The following SAMM50 variants were observed in gnomAD, a reference collection of about 807,000 sequenced individuals.
SAMM50 encodes SAMM50 sorting and assembly machinery component.
Under a neutral mutation model 66.9 loss-of-function variants are expected in SAMM50, and 47 were observed. The ratio of observed to expected loss-of-function variants is 0.70; its 90% CI spans 0.56 to 0.90. The LOEUF (loss-of-function observed/expected upper bound fraction) is 0.90, where lower values mean the gene tolerates loss of function less well. SAMM50 is among the 40% of genes least tolerant of loss of function. The probability of loss-of-function intolerance (pLI) is 0.00; values close to 1 mark genes in which losing one functional copy is unlikely to be tolerated. For missense variants in SAMM50, 535 were observed against 595.3 expected (o/e 0.90, Z 1.05); for synonymous variants, 191 against 214.1 (o/e 0.89, Z 0.94).
intron 14 of SAMM50, 103 bp from the exon 15 acceptor site, chr22:43,996,235 G>A (rs941379081): frequency 2.4e-6 from 3 of 1,249,274 alleles, no homozygotes; most frequent in Non-Finnish European, 2.4e-6. Flanking sequence ...AGGAGGAGGA[G>A]GAAGCGGAGG....
intron 10 of SAMM50, among the ~76,000 whole-genome samples, chr22:43,979,589 C>A (rs1004927999): frequency 6.6e-6 from 1 of 151,426 alleles, no homozygotes; most frequent in South Asian, 2.1e-4. Flanking sequence ...CCCTTCCCCC[C>A]TCTACACTAT....
intron 1 of SAMM50, among the ~76,000 whole-genome samples, chr22:43,958,518 A>G (rs1807589): frequency 0.65 from 92,065 of 142,356 alleles, 29,727 homozygotes; most frequent in East Asian, 0.83. Context: ...TTTCTCTGTC[A>G]CCCAGGCTGG....
intron 3 of SAMM50, 115 bp from the exon 4 acceptor site, chr22:43,968,616 C>G (rs947430279): frequency 2.7e-6 from 2 of 734,532 alleles, no homozygotes; most frequent in East Asian, 5.1e-5. Context: ...GCTCTCTGCT[C>G]AGTGATCTGA....
In SAMM50 at chr22:43,974,692, G is replaced by A. The variant is rs900728901; in HGVS notation, c.649-1363G>A. The A allele has an allele frequency of 5.2e-5, 8 of 152,480 alleles. No individual in the cohort carries two copies. In the Middle Eastern group the frequency reaches 0.01, roughly 193 times the overall value. 9.4% of individuals were successfully genotyped at this position (152,480 alleles called of 1,614,324 possible). On this transcript the variant is annotated intron_variant, in intron 7 of 14. Transcript: ENST00000350028. ...TCCTCGGATGCCCTCTGGTGGGGCCGTGGAGGGGAAACCTGGGCCACATGC... is the reference window on the plus strand; with the variant it reads ...TCCTCGGATGCCCTCTGGTGGGGCCATGGAGGGGAAACCTGGGCCACATGC...
In SAMM50 at chr22:43,983,057, C is replaced by T. The variant is rs1038957510; in HGVS notation, c.1008-876C>T. On this transcript the variant is annotated intron_variant, in intron 11 of 14. Transcript: ENST00000350028. This position sits in a 1 kb window ranked among gnomAD's most constrained non-coding sequence, Gnocchi z 4.2. Reference sequence around the variant, plus strand: ...AAACATATTTATAGGTTTTAAAACTCAAATTAAAATGAAAAAATTCATAAA... The same window carrying T: ...AAACATATTTATAGGTTTTAAAACTTAAATTAAAATGAAAAAATTCATAAA... 6.6e-6 allele frequency among the ~76,000 whole-genome samples: 1 copy of T among 152,166 alleles called. No homozygotes were observed. Among genetic ancestry groups the T allele is most frequent in the African/African-American group, 2.4e-5 (1 of 41,446 alleles).
At chr22:43,961,975 A>G (rs1342893579) in intron 1 of SAMM50, among the ~76,000 whole-genome samples, 1 of 152,012 alleles carries the variant, frequency 6.6e-6, no homozygotes, top group Non-Finnish European at 1.5e-5. Context: ...CCTAGGCTCA[A>G]GTGATTATGT....
intron 13 of SAMM50, among the ~76,000 whole-genome samples, chr22:43,989,549 G>T (rs2050312087): frequency 6.6e-6 from 1 of 151,318 alleles, no homozygotes; most frequent in Non-Finnish European, 1.5e-5. Context: ...TGTTGGCCAG[G>T]ATGGTCTCGA....
intron 13 of SAMM50, among the ~76,000 whole-genome samples, chr22:43,989,510 G>A (rs1171862260): frequency 2.0e-5 from 3 of 151,954 alleles, no homozygotes; most frequent in African/African-American, 4.8e-5. Context: ...CTAATTTTTT[G>A]TATTTTTAGT....
At chr22:43,959,871 A>G (rs1272568440) in intron 1 of SAMM50, among the ~76,000 whole-genome samples, 1 of 152,208 alleles carries the variant, frequency 6.6e-6, no homozygotes, top group East Asian at 1.9e-4. Context: ...TTTACAGGGT[A>G]TTAATCCTAT....
At chr22:43,982,784 C>T (rs1315643848) in intron 11 of SAMM50, among the ~76,000 whole-genome samples, 2 of 152,224 alleles carry the variant, frequency 1.3e-5, no homozygotes, top group East Asian at 1.9e-4. Flanking sequence ...TACAGGCACC[C>T]GGCACCACGC....
intron 1 of SAMM50, 30 bp from the exon 2 acceptor site, chr22:43,963,256 A>G: frequency 7.1e-7 from 1 of 1,412,486 alleles, no homozygotes. Flanking sequence ...TGACAAAGTC[A>G]TTTATCTGTG....
intron 2 of SAMM50, 85 bp downstream of exon 2, chr22:43,963,481 A>T (rs1479835437): frequency 1.3e-6 from 1 of 761,756 alleles, no homozygotes; most frequent in African/African-American, 1.8e-5. Context: ...AAAGGAATTA[A>T]CCTGTTTCCG....
intron 8 of SAMM50, 22 bp downstream of exon 8, chr22:43,976,205 A>T (rs1569030276): frequency 1.3e-6 from 2 of 1,591,384 alleles, no homozygotes; most frequent in Admixed American, 3.4e-5. Context: ...TCTTAGTTGG[A>T]GTAAATAATT....
At chr22:43,966,665 A>G (rs1177984375) in intron 3 of SAMM50, among the ~76,000 whole-genome samples, 3 of 151,892 alleles carry the variant, frequency 2.0e-5, no homozygotes, top group Non-Finnish European at 4.4e-5. Context: ...CCACAAGTCC[A>G]CTCTCTTACA....
At chr22:43,965,580 C>T (rs2050168776) in intron 3 of SAMM50, among the ~76,000 whole-genome samples, 1 of 152,110 alleles carries the variant, frequency 6.6e-6, no homozygotes, top group South Asian at 2.1e-4. Flanking sequence ...TCAAATGGTA[C>T]AGAAGGGTAT....
chr22:43,972,664 A>G (rs2050209587), intron 5 of SAMM50, among the ~76,000 whole-genome samples: 1 of 152,224 alleles, frequency 6.6e-6, no homozygotes, highest in South Asian at 2.1e-4. Flanking sequence ...TGTCCCTTGC[A>G]TTAATCAGGT....
At chr22:43,976,394 C>T (rs533930936) in intron 8 of SAMM50, among the ~76,000 whole-genome samples, 5 of 152,306 alleles carry the variant, frequency 3.3e-5, no homozygotes, top group Admixed American at 3.3e-4. Context: ...AAGAGGTGTG[C>T]TTCAGAGCTG....
chr22:43,958,257 G>A (rs909079238), intron 1 of SAMM50, among the ~76,000 whole-genome samples: 8 of 152,158 alleles, frequency 5.3e-5, no homozygotes, highest in African/African-American at 1.7e-4. Flanking sequence ...ATTTTGGCTT[G>A]TTTTGGGTCT....
intron 8 of SAMM50, 100 bp downstream of exon 8, chr22:43,976,283 G>A (rs1437328082): frequency 1.4e-5 from 20 of 1,419,246 alleles, no homozygotes; most frequent in East Asian, 2.3e-5. Flanking sequence ...ACTGAGAAGC[G>A]TCACCCAGAT....
Sources: gnomAD v4.1 joint callset for allele counts (sites outside exome capture counted in the v4.1 genomes callset) on GRCh38, gnomAD v4.1.1 for gene constraint, Gnocchi (gnomAD v3.1) non-coding constraint, MANE v1.5 for transcripts, NCBI Gene and HGNC (gene_info 2026-07-23, HGNC 2026-07-21) for gene names.